CREB3L2: variants seen among roughly 807,000 people sequenced by gnomAD.
CREB3L2 encodes cyclic AMP-responsive element-binding protein 3-like protein 2.
Under a neutral mutation model 57.2 loss-of-function variants are expected in CREB3L2, and 23 were observed. The ratio of observed to expected loss-of-function variants is 0.40; its 90% CI spans 0.29 to 0.57. CREB3L2 has a LOEUF of 0.57. Ranked by LOEUF, CREB3L2 falls within the 20% of genes least tolerant of loss-of-function variation. The probability of loss-of-function intolerance (pLI) is 0.42; values close to 1 mark genes in which losing one functional copy is unlikely to be tolerated. For synonymous variants in CREB3L2, 268 were observed against 265.1 expected (o/e 1.01, Z -0.11); for missense variants, 628 against 634.7 (o/e 0.99, Z 0.11).
Position 137,879,962 on chromosome 7 carries a change from CA to C in CREB3L2, c.*513del, listed in dbSNP as rs1799255534. 1 of 237,714 alleles carries C rather than the reference CA, an allele frequency of 4.2e-6. No homozygotes were observed. Among genetic ancestry groups the C allele is most frequent in the African/African-American group, 2.2e-5 (1 of 45,320 alleles). The allele number at this position is 237,714 out of a possible 1,614,324, so 14.7% of individuals were successfully genotyped here. On this transcript the variant is annotated 3_prime_UTR_variant, in exon 12 of 12. Transcript: ENST00000330387. ...GACGAGACGATCCAGCGAGGGCTCC[CA>C]GGGGGCAGAGTGGGCGGAGGGCTGC...
In CREB3L2 at chr7:137,879,226, G is replaced by A. The variant is rs768898825; in HGVS notation, c.*1250C>T. 39 of 534,812 alleles carry A rather than the reference G, an allele frequency of 7.3e-5. 1 individual carries two copies. The highest frequency in any genetic ancestry group is 4.6e-4 in the South Asian group (30 of 65,164). The allele number at this position is 534,812 out of a possible 1,614,324, so 33.1% of individuals were successfully genotyped here. A position where few individuals can be genotyped will look rare whatever the true frequency, so the allele number is the denominator to read the frequency against. ...GGGATTAGGTTGTATCTCTTTGGGC[G>A]AGCTGCAAAGTAGCCAAACCTGACT... On this transcript the variant is annotated 3_prime_UTR_variant, in exon 12 of 12. Transcript: ENST00000330387.
intron 1 of CREB3L2, chr7:137,956,465 T>C (rs565803673): frequency 2.3e-6 from 1 of 438,578 alleles, no homozygotes; most frequent in East Asian, 7.2e-5. Context: ...AGTAATAGAA[T>C]TAATTTGAAG....
intron 1 of CREB3L2, chr7:137,955,280 C>G: frequency 7.8e-7 from 1 of 1,289,138 alleles, no homozygotes; most frequent in Non-Finnish European, 1.0e-6. Context: ...CAGACAGTTT[C>G]TCTAAGGAGC....
chr7:138,002,056 A>G lies in CREB3L2; in HGVS notation c.-351T>C, dbSNP rs924738366. On this transcript the variant is annotated 5_prime_UTR_variant, in exon 1 of 12. Transcript: ENST00000330387. ...CTTGCCGCTACGGCTCCAGACACAAACTTTGAGGGACCCCAGGGCTCCTCG... is the reference window on the plus strand; with the variant it reads ...CTTGCCGCTACGGCTCCAGACACAAGCTTTGAGGGACCCCAGGGCTCCTCG... 11 of 295,016 alleles carry G rather than the reference A, an allele frequency of 3.7e-5. No homozygotes were observed. Among genetic ancestry groups the G allele is most frequent in the Admixed American group, 4.9e-5 (1 of 20,610 alleles). The allele number at this position is 295,016 out of a possible 1,614,324, so 18.3% of individuals were successfully genotyped here.
chr7:137,895,464 CTTTCG>C (rs1799609961), intron 8 of CREB3L2, among the ~76,000 whole-genome samples: 1 of 152,196 alleles, frequency 6.6e-6, no homozygotes, highest in Non-Finnish European at 1.5e-5. Flanking sequence ...TGTGAAGGTG[CTTTCG>C]CACCACTTCA....
At position 137,876,613 on chromosome 7, in the gene CREB3L2, C is replaced by A. The variant is rs1799161412; in HGVS notation, c.*3863G>T. The A allele has an allele frequency of 4.3e-6, 1 of 232,978 alleles. No homozygotes were observed. 14.4% of individuals were successfully genotyped at this position (232,978 alleles called of 1,614,324 possible). ...CACCACCTACTCTCTCCTGTAACTG[C>A]CCTCCCAGCGGGGCCTATCCTAGCA... On this transcript the variant is annotated 3_prime_UTR_variant, in exon 12 of 12. Transcript: ENST00000330387.
chr7:138,001,848 A>AAACT lies in CREB3L2; in HGVS notation c.-144_-143insAGTT. 1.8e-6 allele frequency: 1 copy of AAACT among 545,602 alleles called. No homozygotes were observed. Among genetic ancestry groups the AAACT allele is most frequent in the Non-Finnish European group, 3.2e-6 (1 of 316,996 alleles). 33.8% of individuals were successfully genotyped at this position (545,602 alleles called of 1,614,324 possible). ...TCTGTAGTTTTGCACTTGGAAAGCA[A>AAACT]ACGTCTGCTCCTCTGCCGGAGAGAG... On this transcript the variant is annotated 5_prime_UTR_variant, in exon 1 of 12. Coordinates refer to ENST00000330387, the MANE Select transcript of CREB3L2 (RefSeq NM_194071.4). The surrounding 1 kb of genome is among the most constrained non-coding windows in gnomAD (Gnocchi z 4.2).
At chr7:138,000,312 A>G (rs1802053309) in intron 1 of CREB3L2, among the ~76,000 whole-genome samples, 1 of 152,234 alleles carries the variant, frequency 6.6e-6, no homozygotes, top group South Asian at 2.1e-4. Flanking sequence ...GAGGACAGGA[A>G]GCACATCTGG....
At chr7:137,969,634 A>G (rs538577553) in intron 1 of CREB3L2, among the ~76,000 whole-genome samples, 11 of 152,048 alleles carry the variant, frequency 7.2e-5, no homozygotes, top group Admixed American at 7.2e-4. Context: ...TACAGGCGTG[A>G]GCCACCGCGT....
Position 138,001,199 on chromosome 7 carries a change from G to T in CREB3L2, c.102+405C>A, listed in dbSNP as rs1222016457. Among the ~76,000 whole-genome samples, 3 of 150,946 alleles carry T rather than the reference G, an allele frequency of 2.0e-5. No individual in the cohort carries two copies. Among genetic ancestry groups the T allele is most frequent in the Non-Finnish European group, 4.4e-5 (3 of 67,870 alleles). ...GAGGGAGAGAGAATACGAGACAGAT[G>T]AAAAGGAAATGCTACTTAATCTTGT... On this transcript the variant is annotated intron_variant, in intron 1 of 11. Coordinates refer to ENST00000330387, the MANE Select transcript of CREB3L2 (RefSeq NM_194071.4). This position sits in a 1 kb window ranked among gnomAD's most constrained non-coding sequence, Gnocchi z 4.2.
intron 1 of CREB3L2, among the ~76,000 whole-genome samples, chr7:137,997,499 T>A (rs915549451): frequency 5.3e-5 from 8 of 151,814 alleles, no homozygotes; most frequent in Non-Finnish European, 8.8e-5. Flanking sequence ...GGCAAGAGGG[T>A]CCCTTAAACC....
intron 1 of CREB3L2, among the ~76,000 whole-genome samples, chr7:137,941,121 G>A (rs17169452): frequency 0.016 from 2,505 of 152,280 alleles, 79 homozygotes; most frequent in African/African-American, 0.058. Context: ...GTTATGCACC[G>A]GACTCATGGG....
chr7:137,932,115 C>A (rs1170140871), intron 1 of CREB3L2, among the ~76,000 whole-genome samples: 1 of 152,032 alleles, frequency 6.6e-6, no homozygotes, highest in Non-Finnish European at 1.5e-5. Flanking sequence ...GTAAATGGTA[C>A]CATATCTCAT....
intron 8 of CREB3L2, among the ~76,000 whole-genome samples, chr7:137,891,597 C>A (rs921189783): frequency 6.7e-6 from 1 of 150,288 alleles, no homozygotes; most frequent in Non-Finnish European, 1.5e-5. Context: ...TTTTTTGAGA[C>A]GGAGTTTCAC....
chr7:137,927,787 G>GAA (rs61623523), intron 2 of CREB3L2, among the ~76,000 whole-genome samples: 73,595 of 141,150 alleles, frequency 0.52, 20,938 homozygotes, highest in East Asian at 0.79. Context: ...TTCTTTCTCA[G>GAA]AAAAAAAAAA....
At chr7:137,886,751 C>T (rs1799428596) in intron 8 of CREB3L2, among the ~76,000 whole-genome samples, 1 of 151,412 alleles carries the variant, frequency 6.6e-6, no homozygotes, top group Non-Finnish European at 1.5e-5. Context: ...ACGTTTTATC[C>T]CTAAAATTGG....
rs59967148 is a variant in CREB3L2 at position 138,001,082 on chromosome 7, AACACACACAC to A, written c.102+512_102+521del. ...CTCCCTAACGTAGAGGAGCCCTTTC[AACACACACAC>A]ACACACACACACACACACACACACA... On this transcript the variant is annotated intron_variant, in intron 1 of 11. Coordinates refer to ENST00000330387, the MANE Select transcript of CREB3L2 (RefSeq NM_194071.4). This position sits in a 1 kb window ranked among gnomAD's most constrained non-coding sequence, Gnocchi z 4.2. Among the ~76,000 whole-genome samples, 649 of 136,808 alleles carry A rather than the reference AACACACACAC, an allele frequency of 4.7e-3. 1 individual carries two copies. Among genetic ancestry groups the A allele is most frequent in the African/African-American group, 8.2e-3 (308 of 37,410 alleles). The allele number at this position is 136,808 out of a possible 152,430, so 89.8% of individuals were successfully genotyped here.
At chr7:137,966,869 T>C (rs1183969785) in intron 1 of CREB3L2, among the ~76,000 whole-genome samples, 1 of 152,158 alleles carries the variant, frequency 6.6e-6, no homozygotes, top group Non-Finnish European at 1.5e-5. Context: ...AATGAGGGCA[T>C]GGAAGGAGGG....
At position 137,968,684 on chromosome 7, in the gene CREB3L2, G is replaced by T. The variant is rs533692125; in HGVS notation, c.102+32920C>A. Among the ~76,000 whole-genome samples the T allele has an allele frequency of 5.3e-5, 8 of 152,252 alleles. No homozygotes were observed. In the South Asian group the frequency reaches 1.7e-3, roughly 32 times the overall value. ...AGCTGGCCACTCTTGTATCCTCTCA[G>T]CCTCACACTGTTTCAAGCCAGCTGA... On this transcript the variant is annotated intron_variant, in intron 1 of 11. Coordinates refer to ENST00000330387, the MANE Select transcript of CREB3L2 (RefSeq NM_194071.4).
Sources: gnomAD v4.1 joint callset for allele counts (sites outside exome capture counted in the v4.1 genomes callset) on GRCh38, gnomAD v4.1.1 for gene constraint, Gnocchi (gnomAD v3.1) non-coding constraint, MANE v1.5 for transcripts, NCBI Gene and HGNC (gene_info 2026-07-23, HGNC 2026-07-21) for gene names.